The following NCKAP5 variants were observed in gnomAD, a reference collection of about 807,000 sequenced individuals.
NCKAP5 encodes NCK associated protein 5.
A neutral mutation model predicts 167.0 loss-of-function variants in NCKAP5; 92 were observed. The observed-to-expected ratio is 0.55, with a 90% CI of 0.47 to 0.66. NCKAP5 has a LOEUF of 0.66. NCKAP5 is among the 30% of genes least tolerant of loss of function. The pLI is 0.00. For missense variants in NCKAP5, 2,378 were observed against 2,315.0 expected (o/e 1.03, Z -0.56); for synonymous variants, 891 against 877.4 (o/e 1.02, Z -0.27).
At chr2:133,213,649 G>A in intron 5 of NCKAP5, 67 bp downstream of exon 5, 1 of 1,513,366 alleles carries the variant, frequency 6.6e-7, no homozygotes, top group Admixed American at 1.8e-5. Flanking sequence ...CCTTAATGAG[G>A]CAAAGTAGCT....
chr2:133,163,901 C>T (rs2083899294), intron 5 of NCKAP5, among the ~76,000 whole-genome samples: 1 of 151,800 alleles, frequency 6.6e-6, no homozygotes, highest in South Asian at 2.1e-4. Flanking sequence ...TTTTCTTGTA[C>T]ATCTACACTA....
intron 3 of NCKAP5, among the ~76,000 whole-genome samples, chr2:133,511,115 C>T (rs1575082593): frequency 6.6e-6 from 1 of 152,208 alleles, no homozygotes; most frequent in African/African-American, 2.4e-5. Flanking sequence ...TTCTGCCATC[C>T]TCATTGCTGA....
intron 8 of NCKAP5, among the ~76,000 whole-genome samples, chr2:132,913,207 ACAGT>A (rs1694593745): frequency 6.6e-6 from 1 of 152,138 alleles, no homozygotes; most frequent in Admixed American, 6.5e-5. Context: ...CCTACATAAC[ACAGT>A]CAGTCCACAC....
chr2:132,829,196 A>C (rs969369360), intron 11 of NCKAP5, among the ~76,000 whole-genome samples: 6 of 152,222 alleles, frequency 3.9e-5, no homozygotes, highest in Non-Finnish European at 8.8e-5. Flanking sequence ...TTTAAGCATC[A>C]AAGTAAACAG....
At chr2:133,071,136 T>C (rs551686008) in intron 6 of NCKAP5, among the ~76,000 whole-genome samples, 21 of 152,268 alleles carry the variant, frequency 1.4e-4, no homozygotes, top group Admixed American at 1.0e-3. Flanking sequence ...GCTTCAACTA[T>C]AGACCAATCA....
intron 2 of NCKAP5, among the ~76,000 whole-genome samples, chr2:133,526,222 A>C (rs1684878348): frequency 8.0e-6 from 1 of 124,816 alleles, no homozygotes; most frequent in Non-Finnish European, 1.6e-5. Flanking sequence ...GAAGGAAGGA[A>C]GGAAGAAAGG....
chr2:133,201,838 A>C (rs531028109), intron 5 of NCKAP5, among the ~76,000 whole-genome samples: 1 of 152,168 alleles, frequency 6.6e-6, no homozygotes, highest in East Asian at 1.9e-4. Flanking sequence ...TTCTGCGCTT[A>C]AGAAAGTTGA....
chr2:132,952,175 C>T (rs1436625371), intron 8 of NCKAP5, among the ~76,000 whole-genome samples: 1 of 152,138 alleles, frequency 6.6e-6, no homozygotes, highest in African/African-American at 2.4e-5. Flanking sequence ...ATTAACAACA[C>T]TTTGTTCTAA....
intron 6 of NCKAP5, among the ~76,000 whole-genome samples, chr2:133,099,354 G>T (rs2069257): frequency 0.051 from 7,817 of 152,064 alleles, 646 homozygotes; most frequent in African/African-American, 0.18. Flanking sequence ...AGTTTCCCAG[G>T]TCAAAATAAT....
intron 2 of NCKAP5, among the ~76,000 whole-genome samples, chr2:133,544,122 T>A (rs571903982): frequency 6.6e-6 from 1 of 152,262 alleles, no homozygotes; most frequent in Non-Finnish European, 1.5e-5. Context: ...AAAATTGCCA[T>A]GTCTGGAAAC....
At chr2:133,586,304 C>T in the NCKAP5 span, among the ~76,000 whole-genome samples, 8 of 152,170 alleles carry the variant, frequency 5.3e-5, no homozygotes, top group African/African-American at 1.7e-4. Context: ...CCTGAACCCT[C>T]AGTCACTTCC....
chr2:132,783,492 C>A lies in NCKAP5; in HGVS notation c.3319G>T (p.Val1107Leu). 1 of 1,605,766 alleles carries A rather than the reference C, an allele frequency of 6.2e-7. No individual in the cohort carries two copies. ...STPPKPSFLG[V>L]NESPSSQVSS... ...ACCTGAGATGATGGTGACTCATTTA[C>A]CCCTAAGAAGGAAGGCTTGGGGGGT... is the stretch of plus-strand genomic sequence containing the variant. The change falls in exon 14 of 20, where the codon GTA becomes TTA. Residue 1107 changes from valine (V) to leucine (L), a missense_variant. Val to Leu is a conservative substitution (Grantham distance 32, BLOSUM62 1). This residue lies in a region of NCKAP5 where 1,325 missense variants were observed against 1,274.5 expected (regional missense o/e 1.04). Coordinates refer to ENST00000409261, the MANE Select transcript of NCKAP5 (RefSeq NM_207363.3).
intron 6 of NCKAP5, among the ~76,000 whole-genome samples, chr2:133,085,194 A>T (rs1273059877): frequency 2.0e-5 from 3 of 152,128 alleles, no homozygotes; most frequent in Non-Finnish European, 2.9e-5. Flanking sequence ...ATACTGCTTC[A>T]GAGGAAGCAA....
intron 6 of NCKAP5, among the ~76,000 whole-genome samples, chr2:133,094,345 T>C: frequency 6.6e-6 from 1 of 152,184 alleles, no homozygotes; most frequent in Non-Finnish European, 1.5e-5. Flanking sequence ...CAAATTCTAT[T>C]TTAGTATTTG....
chr2:133,536,931 A>G (rs1260922117), intron 2 of NCKAP5, among the ~76,000 whole-genome samples: 1 of 151,948 alleles, frequency 6.6e-6, no homozygotes, highest in Admixed American at 6.6e-5. Context: ...TTATAATTTT[A>G]GCTCTTACAT....
intron 5 of NCKAP5, among the ~76,000 whole-genome samples, chr2:133,149,949 A>G (rs1446615089): frequency 6.6e-6 from 1 of 152,158 alleles, no homozygotes; most frequent in African/African-American, 2.4e-5. Flanking sequence ...CCTCACCTCC[A>G]GATGGATGTC....
At chr2:132,788,802 T>C (rs1253083541) in intron 13 of NCKAP5, among the ~76,000 whole-genome samples, 1 of 152,166 alleles carries the variant, frequency 6.6e-6, no homozygotes, top group East Asian at 1.9e-4. Flanking sequence ...CAAATTCAAA[T>C]TCATATGATA....
chr2:133,352,104 T>A (rs1684403393), intron 3 of NCKAP5, among the ~76,000 whole-genome samples: 1 of 152,186 alleles, frequency 6.6e-6, no homozygotes, highest in South Asian at 2.1e-4. Flanking sequence ...GTCACCTCTC[T>A]CCTTCAGGTA....
rs116843381 is a variant in NCKAP5, at chr2:132,696,732, C to T, written c.5714-23427G>A. 3.4e-3 allele frequency among the ~76,000 whole-genome samples: 512 copies of T among 152,240 alleles called. 25 individuals carry two copies. The East Asian group carries it at 0.081, about 24-fold the overall frequency. ...AAGGAGAGAAAAAAAACTCAAAACTCAAGAAGAAATTCTCCTAAACTCACA... is the reference window on the plus strand; with the variant it reads ...AAGGAGAGAAAAAAAACTCAAAACTTAAGAAGAAATTCTCCTAAACTCACA... On this transcript the variant is annotated intron_variant, in intron 19 of 19. Transcript: ENST00000409261.
Sources: gnomAD v4.1 joint callset for allele counts (sites outside exome capture counted in the v4.1 genomes callset) on GRCh38, gnomAD v4.1.1 for gene constraint, gnomAD v4.1.1 regional missense constraint, MANE v1.5 for transcripts, NCBI Gene and HGNC (gene_info 2026-07-23, HGNC 2026-07-21) for gene names.